The following ST3GAL3 variants were observed in gnomAD, a reference collection of about 807,000 sequenced individuals.
The protein encoded by ST3GAL3 is ST3 beta-galactoside alpha-2,3-sialyltransferase 3.
Under a neutral mutation model 50.1 loss-of-function variants are expected in ST3GAL3, and 21 were observed. The observed-to-expected ratio is 0.42, with a 90% CI of 0.30 to 0.60. The LOEUF (loss-of-function observed/expected upper bound fraction) is 0.60, where lower values mean the gene tolerates loss of function less well. Ranked by LOEUF, ST3GAL3 falls within the 20% of genes least tolerant of loss-of-function variation. ST3GAL3 has a pLI of 0.19. For missense variants in ST3GAL3, 353 were observed against 489.4 expected (o/e 0.72, Z 2.63); for synonymous variants, 183 against 190.0 (o/e 0.96, Z 0.30).
At chr1:43,873,995 A>G (rs950235894) in intron 5 of ST3GAL3, among the ~76,000 whole-genome samples, 1 of 152,088 alleles carries the variant, frequency 6.6e-6, no homozygotes, top group African/African-American at 2.4e-5. Context: ...AACTGCAGAA[A>G]GGAATGAGAA....
chr1:43,759,589 G>C (rs1423789882), intron 2 of ST3GAL3, among the ~76,000 whole-genome samples: 1 of 152,220 alleles, frequency 6.6e-6, no homozygotes, highest in Non-Finnish European at 1.5e-5. Context: ...GAGAACTACT[G>C]TCTTTTGTAG....
At chr1:43,794,527 A>G (rs995712755) in intron 3 of ST3GAL3, among the ~76,000 whole-genome samples, 2 of 152,212 alleles carry the variant, frequency 1.3e-5, no homozygotes, top group Non-Finnish European at 2.9e-5. Flanking sequence ...TTGGATATAC[A>G]CATACCTGGT....
intron 3 of ST3GAL3, among the ~76,000 whole-genome samples, chr1:43,811,767 G>T (rs977476190): frequency 6.6e-6 from 1 of 152,156 alleles, no homozygotes; most frequent in Non-Finnish European, 1.5e-5. Context: ...CCTTAAGGAC[G>T]TGTTAGGCAT....
At chr1:43,709,344 A>G (rs1663361007) in intron 1 of ST3GAL3, 1 of 152,220 alleles carries the variant, frequency 6.6e-6, no homozygotes, top group Non-Finnish European at 1.5e-5. Context: ...GCTGTAGCTA[A>G]CTATCAGGAA....
intron 4 of ST3GAL3, among the ~76,000 whole-genome samples, chr1:43,837,436 G>A (rs375080637): frequency 3.9e-5 from 6 of 152,358 alleles, no homozygotes; most frequent in African/African-American, 1.4e-4. Context: ...TTCGGTCACT[G>A]TTCGGGACAG....
intron 2 of ST3GAL3, among the ~76,000 whole-genome samples, chr1:43,768,012 G>C (rs1263064569): frequency 1.3e-5 from 2 of 151,256 alleles, no homozygotes; most frequent in African/African-American, 2.4e-5. Context: ...ACCCAAAGAA[G>C]GAAAACAGAA....
At chr1:43,708,899 A>G (rs758471804) in intron 1 of ST3GAL3, among the ~76,000 whole-genome samples, 5 of 152,268 alleles carry the variant, frequency 3.3e-5, no homozygotes, top group Non-Finnish European at 4.4e-5. Flanking sequence ...GACTGAGGGG[A>G]AACTCAAAAC....
chr1:43,892,186 G>A (rs1412180361), intron 5 of ST3GAL3, among the ~76,000 whole-genome samples: 2 of 152,200 alleles, frequency 1.3e-5, no homozygotes, highest in South Asian at 4.2e-4. Flanking sequence ...CAGGTGATCC[G>A]CCTGCCTTGG....
chr1:43,737,282 A>G lies in ST3GAL3; in HGVS notation c.118+902A>G, dbSNP rs549665156. On this transcript the variant is annotated intron_variant, in intron 2 of 11. Coordinates refer to ENST00000347631, the MANE Select transcript of ST3GAL3 (RefSeq NM_006279.5). The surrounding 1 kb of genome is among the most constrained non-coding windows in gnomAD (Gnocchi z 4.0). ...TTACTAACATCTACCAGATACCAGT[A>G]TAGAACTCACTTGAGAAGAGAGTCA... The G allele has an allele frequency of 7.9e-5, 12 of 152,382 alleles. No individual in the cohort carries two copies. The East Asian group carries it at 1.7e-3, about 22-fold the overall frequency. The allele number at this position is 152,382 out of a possible 1,614,324, so 9.4% of individuals were successfully genotyped here. A position where few individuals can be genotyped will look rare whatever the true frequency, so the allele number is the denominator to read the frequency against.
intron 5 of ST3GAL3, chr1:43,858,409 C>A: frequency 9.7e-7 from 1 of 1,034,886 alleles, no homozygotes; most frequent in Non-Finnish European, 1.2e-6. Context: ...TGTAGGGATG[C>A]TTAGAAGCAC....
chr1:43,791,421 TTGAA>T lies in ST3GAL3; in HGVS notation c.119-654_119-651del, dbSNP rs578007343. 2.9e-3 allele frequency among the ~76,000 whole-genome samples: 312 copies of T among 107,232 alleles called. 1 individual carries two copies. Among genetic ancestry groups the T allele is most frequent in the African/African-American group, 0.011 (268 of 24,588 alleles). 70.3% of individuals were successfully genotyped at this position (107,232 alleles called of 152,430 possible). A position where few individuals can be genotyped will look rare whatever the true frequency, so the allele number is the denominator to read the frequency against. ...CAGTGCATATTTATTGGACATTTGA[TTGAA>T]TGAATGAATGAATGAATGAATGAAT... On this transcript the variant is annotated intron_variant, in intron 2 of 11. Coordinates refer to ENST00000347631, the MANE Select transcript of ST3GAL3 (RefSeq NM_006279.5).
At chr1:43,898,963 A>C in intron 7 of ST3GAL3, 1 of 642,150 alleles carries the variant, frequency 1.6e-6, no homozygotes. Flanking sequence ...CAGGGCCTAG[A>C]TAGAGATGCT....
chr1:43,875,838 C>T (rs1006642990), intron 5 of ST3GAL3, among the ~76,000 whole-genome samples: 3 of 151,914 alleles, frequency 2.0e-5, no homozygotes, highest in Admixed American at 2.0e-4. Flanking sequence ...CTGTTTCCTG[C>T]TTTTTGATAA....
intron 1 of ST3GAL3, among the ~76,000 whole-genome samples, chr1:43,717,664 A>AT (rs913461144): frequency 4.7e-5 from 7 of 149,454 alleles, no homozygotes; most frequent in African/African-American, 1.7e-4. Flanking sequence ...TGCCCCGGTA[A>AT]TTTTTTTTTC....
intron 3 of ST3GAL3, among the ~76,000 whole-genome samples, chr1:43,803,230 G>A (rs2059506912): frequency 6.6e-6 from 1 of 152,004 alleles, no homozygotes; most frequent in Non-Finnish European, 1.5e-5. Context: ...AGCCTGGTCG[G>A]GTTTTGTAAA....
Position 43,920,816 on chromosome 1 carries a change from T to C in ST3GAL3, c.926T>C (p.Met309Thr), listed in dbSNP as rs1393624002. 6.2e-7 allele frequency: 1 copy of C among 1,614,026 alleles called. No homozygotes were observed. The stretch of plus-strand genomic sequence containing the variant: ...ACCCTTGGCAGTGTGGCAGTGACCA[T>C]GGCACTACACGGCTGTGACGAGGTG... Reference protein sequence around the residue: ...IPTLGSVAVTMALHGCDEVAV... With the variant: ...IPTLGSVAVTTALHGCDEVAV... Residue 309 changes from methionine to threonine, a missense_variant, in exon 11 of 12, where the codon ATG (methionine) becomes ACG (threonine). Physicochemically the swap from Met to Thr is moderately conservative, Grantham distance 81. Coordinates refer to ENST00000347631, the MANE Select transcript of ST3GAL3 (RefSeq NM_006279.5).
chr1:43,885,255 G>A (rs2154259884), intron 5 of ST3GAL3, among the ~76,000 whole-genome samples: 1 of 152,090 alleles, frequency 6.6e-6, no homozygotes, highest in South Asian at 2.1e-4. Flanking sequence ...GAGAGACACA[G>A]GGGTCAGATC....
intron 11 of ST3GAL3, among the ~76,000 whole-genome samples, chr1:43,926,644 A>G (rs2084010621): frequency 6.6e-6 from 1 of 152,102 alleles, no homozygotes; most frequent in South Asian, 2.1e-4. Context: ...GGACTGTGAC[A>G]TGGGATGGAC....
At chr1:43,929,053 A>G (rs2084555992) in intron 11 of ST3GAL3, among the ~76,000 whole-genome samples, 1 of 152,170 alleles carries the variant, frequency 6.6e-6, no homozygotes, top group Non-Finnish European at 1.5e-5. Context: ...TTTTTCATCA[A>G]AGTTTTCTGG....
Sources: allele counts gnomAD v4.1 joint callset (sites outside exome capture counted in the v4.1 genomes callset), GRCh38; gene constraint gnomAD v4.1.1; non-coding constraint Gnocchi (gnomAD v3.1); transcripts MANE v1.5; gene names NCBI Gene and HGNC (gene_info 2026-07-23, HGNC 2026-07-21).